The following MAMLD1 variants were observed in gnomAD, a reference collection of about 807,000 sequenced individuals.
MAMLD1 encodes the protein mastermind like domain containing 1, also known as mastermind-like domain-containing protein 1.
MAMLD1 carries 14 observed loss-of-function variants against 45.0 expected under a neutral mutation model. The ratio of observed to expected loss-of-function variants is 0.31; its 90% CI spans 0.21 to 0.49. The LOEUF is 0.49. Ranked by LOEUF, MAMLD1 falls within the 20% of genes least tolerant of loss-of-function variation. The probability of loss-of-function intolerance (pLI) is 0.99; values close to 1 mark genes in which losing one functional copy is unlikely to be tolerated. For synonymous variants in MAMLD1, 254 were observed against 247.8 expected (o/e 1.02, Z -0.24); for missense variants, 543 against 603.6 (o/e 0.90, Z 1.05).
At position 150,465,904 on chromosome X, in the gene MAMLD1, G is replaced by A. The variant is rs182028606; in HGVS notation, c.171+3058G>A. Among the ~76,000 whole-genome samples the A allele has an allele frequency of 9.6e-4, 108 of 112,433 alleles. 1 individual carries two copies. Among genetic ancestry groups the A allele is most frequent in the Middle Eastern group, 4.6e-3 (1 of 218 alleles). On this transcript the variant is annotated intron_variant, in intron 3 of 7. Coordinates refer to ENST00000370401, the MANE Select transcript of MAMLD1 (RefSeq NM_005491.5). ...CTGGGAGCTTGGTTGGGGACCTTCC[G>A]CCCCTACCAGGATTCTGGGAGGGGA...
chrX:150,380,878 G>A (rs1557401601), intron 1 of MAMLD1, among the ~76,000 whole-genome samples: 1 of 108,352 alleles, frequency 9.2e-6, no homozygotes, highest in African/African-American at 3.4e-5. Flanking sequence ...TTTTTTTAAT[G>A]TTTTGTAGAG....
intron 1 of MAMLD1, among the ~76,000 whole-genome samples, chrX:150,419,580 T>C (rs2034408434): frequency 9.3e-6 from 1 of 107,881 alleles, no homozygotes; most frequent in African/African-American, 3.3e-5. Context: ...CTGGTACCAG[T>C]TGTTCCTTTC....
chrX:150,373,519 C>G (rs1403375312), intron 1 of MAMLD1, among the ~76,000 whole-genome samples: 1 of 111,684 alleles, frequency 9.0e-6, no homozygotes, highest in African/African-American at 3.3e-5. Context: ...CACTCACACA[C>G]TCACCCTCTC....
chrX:150,368,005 T>C (rs1386223521), intron 1 of MAMLD1, among the ~76,000 whole-genome samples: 2 of 110,824 alleles, frequency 1.8e-5, no homozygotes, highest in Non-Finnish European at 3.8e-5. Flanking sequence ...TTGTGAATAG[T>C]GCCGCAATAA....
At chrX:150,477,481 C>T (rs2036614897) in intron 5 of MAMLD1, among the ~76,000 whole-genome samples, 1 of 111,652 alleles carries the variant, frequency 9.0e-6, no homozygotes, top group African/African-American at 3.3e-5. Context: ...TCTGGGGCTG[C>T]GTGCTCACGG....
chrX:150,414,028 CAA>C (rs56866886), intron 1 of MAMLD1, among the ~76,000 whole-genome samples: 12,591 of 31,339 alleles, frequency 0.4, 1,408 homozygotes, highest in Middle Eastern at 0.52. Flanking sequence ...CAGAAAACTG[CAA>C]AAAAAAAAAA....
intron 5 of MAMLD1, among the ~76,000 whole-genome samples, chrX:150,487,509 TC>T (rs2037031192): frequency 8.9e-6 from 1 of 112,332 alleles, no homozygotes. Flanking sequence ...AGAAAGCAGC[TC>T]TTTTCCCAAG....
intron 5 of MAMLD1, among the ~76,000 whole-genome samples, chrX:150,489,082 C>G (rs1379039253): frequency 8.9e-6 from 1 of 112,087 alleles, no homozygotes; most frequent in Non-Finnish European, 1.9e-5. Context: ...TATATCTAGC[C>G]CAAGAAATCT....
chrX:150,398,326 G>GA (rs1569564604), intron 1 of MAMLD1, among the ~76,000 whole-genome samples: 1 of 88,080 alleles, frequency 1.1e-5, no homozygotes, highest in African/African-American at 4.2e-5. Context: ...AGAAGAAGAA[G>GA]AAGAAGAAGA....
chrX:150,391,380 G>C, intron 1 of MAMLD1, among the ~76,000 whole-genome samples: 1 of 110,354 alleles, frequency 9.1e-6, no homozygotes, highest in Non-Finnish European at 1.9e-5. Flanking sequence ...GTATTGTTTT[G>C]TTTTGTTTTC....
chrX:150,491,740 G>C (rs1384220260), intron 5 of MAMLD1, among the ~76,000 whole-genome samples: 2 of 111,742 alleles, frequency 1.8e-5, no homozygotes, highest in Non-Finnish European at 3.8e-5. Context: ...GGTGGAGTCT[G>C]GCCCAGTGAT....
intron 1 of MAMLD1, among the ~76,000 whole-genome samples, chrX:150,430,527 C>T (rs1476697784): frequency 9.0e-6 from 1 of 111,430 alleles, no homozygotes; most frequent in Non-Finnish European, 1.9e-5. Context: ...TTTGGTGTCA[C>T]GTCTAAGAAA....
Position 150,371,572 on chromosome X carries a change from T to A in MAMLD1, c.-64+8042T>A, listed in dbSNP as rs782662244. Among the ~76,000 whole-genome samples, 10 of 111,896 alleles carry A rather than the reference T, an allele frequency of 8.9e-5. No homozygotes were observed. The South Asian group carries it at 3.8e-3, about 42-fold the overall frequency. On this transcript the variant is annotated intron_variant, in intron 1 of 7. Transcript: ENST00000370401. Reference sequence around the variant, plus strand: ...GAGGAAAGTGTGGGTCTTTGGAGCATAAAGACAGGAAAAAAACAAAGTCAA... The same window carrying A: ...GAGGAAAGTGTGGGTCTTTGGAGCAAAAAGACAGGAAAAAAACAAAGTCAA...
In MAMLD1 at chrX:150,426,609, G is replaced by T. The variant is rs191678221; in HGVS notation, c.-63-18845G>T. Among the ~76,000 whole-genome samples the T allele has an allele frequency of 4.8e-3, 542 of 111,990 alleles. 2 individuals carry two copies. Among genetic ancestry groups the T allele is most frequent in the African/African-American group, 0.017 (522 of 30,829 alleles). On this transcript the variant is annotated intron_variant, in intron 1 of 7. Coordinates refer to ENST00000370401, the MANE Select transcript of MAMLD1 (RefSeq NM_005491.5). ...GAGCCACCTGAGATAAATGATCCCT[G>T]GTTTCAGGCTCATAGGGATAGCAGA...
chrX:150,444,087 G>A (rs1557404683), intron 1 of MAMLD1, among the ~76,000 whole-genome samples: 1 of 111,859 alleles, frequency 8.9e-6, no homozygotes, highest in African/African-American at 3.3e-5. Context: ...ATTGACATCA[G>A]GGAGGATGGA....
chrX:150,377,566 T>C (rs782679733), intron 1 of MAMLD1, among the ~76,000 whole-genome samples: 4 of 111,577 alleles, frequency 3.6e-5, no homozygotes, highest in Non-Finnish European at 1.9e-5. Context: ...TGCTGTTTCT[T>C]AGAAACTCAC....
intron 3 of MAMLD1, among the ~76,000 whole-genome samples, chrX:150,463,420 G>A (rs1020079534): frequency 3.8e-4 from 43 of 111,945 alleles, no homozygotes; most frequent in Non-Finnish European, 4.9e-4. Context: ...CAGTTCTGAC[G>A]GTCTAGGAGT....
intron 1 of MAMLD1, among the ~76,000 whole-genome samples, chrX:150,403,996 G>GGAAGA (rs2033928601): frequency 1.4e-5 from 1 of 73,869 alleles, no homozygotes; most frequent in African/African-American, 4.9e-5. Flanking sequence ...AAGAAAGAAA[G>GGAAGA]AAGAAAGGAA....
At chrX:150,369,845 C>G (rs2031818015) in intron 1 of MAMLD1, among the ~76,000 whole-genome samples, 1 of 75,597 alleles carries the variant, frequency 1.3e-5, no homozygotes, top group African/African-American at 4.1e-5. Context: ...CCTAATCCAG[C>G]TGTTTTTTTT....
Sources: gnomAD v4.1 joint callset for allele counts (sites outside exome capture counted in the v4.1 genomes callset) on GRCh38, gnomAD v4.1.1 for gene constraint, MANE v1.5 for transcripts, NCBI Gene and HGNC (gene_info 2026-07-23, HGNC 2026-07-21) for gene names.